Variants in CDKL5 observed in about 807,000 individuals in gnomAD.
CDKL5 encodes the protein cyclin dependent kinase like 5, also known as cyclin-dependent kinase-like 5.
Under a neutral mutation model 61.7 loss-of-function variants are expected in CDKL5, and 8 were observed. That is an observed-to-expected ratio of 0.13 (90% CI 0.08 to 0.23). The LOEUF (loss-of-function observed/expected upper bound fraction) is 0.23, where lower values mean the gene tolerates loss of function less well. Ranked by LOEUF, CDKL5 falls within the 10% of genes least tolerant of loss-of-function variation. CDKL5 has a pLI of 1.00. For synonymous variants in CDKL5, 275 were observed against 272.3 expected, an observed-to-expected ratio of 1.01 and a Z score of -0.10; for missense variants, 440 against 734.5, an observed-to-expected ratio of 0.60 and a Z score of 4.63.
intron 1 of CDKL5, among the ~76,000 whole-genome samples, chrX:18,497,987 T>TAAAA (rs796962869): frequency 1.1e-5 from 1 of 91,196 alleles, no homozygotes; most frequent in Non-Finnish European, 2.2e-5. Flanking sequence ...CCCAGCTAAT[T>TAAAA]AAAAAAAAAA....
At chrX:18,551,683 C>A (rs1049155275) in intron 3 of CDKL5, among the ~76,000 whole-genome samples, 3 of 105,451 alleles carry the variant, frequency 2.8e-5, no homozygotes, top group Non-Finnish European at 3.9e-5. Context: ...CCTTCCTGGC[C>A]CAAAGGATCC....
At chrX:18,479,534 T>C (rs930380465) in intron 1 of CDKL5, among the ~76,000 whole-genome samples, 12 of 109,540 alleles carry the variant, frequency 1.1e-4, no homozygotes, top group Non-Finnish European at 2.3e-4. Context: ...TTAGCCAGGA[T>C]GGTCTCGATC....
At chrX:18,470,250 C>T (rs1028745417) in intron 1 of CDKL5, among the ~76,000 whole-genome samples, 4 of 105,874 alleles carry the variant, frequency 3.8e-5, no homozygotes, top group Non-Finnish European at 5.8e-5. Context: ...ACGGGAGAAG[C>T]GCTTGAACCC....
At chrX:18,463,894 A>C (rs1428931833) in intron 1 of CDKL5, among the ~76,000 whole-genome samples, 1 of 112,041 alleles carries the variant, frequency 8.9e-6, no homozygotes, top group Non-Finnish European at 1.9e-5. Flanking sequence ...TAAAATAGGC[A>C]GCTAGCTCCT....
chrX:18,601,586 T>C (rs1032018034), intron 11 of CDKL5, among the ~76,000 whole-genome samples: 1 of 112,543 alleles, frequency 8.9e-6, no homozygotes, highest in Non-Finnish European at 1.9e-5. Context: ...ATAGGCGTTA[T>C]GTGCAAAGCT....
chrX:18,433,003 G>A (rs751019024), intron 1 of CDKL5, among the ~76,000 whole-genome samples: 10 of 110,745 alleles, frequency 9.0e-5, no homozygotes, highest in South Asian at 3.8e-4. Context: ...CGAGGCGGGC[G>A]GATCATTTGA....
At chrX:18,497,117 C>G (rs1225107164) in intron 1 of CDKL5, among the ~76,000 whole-genome samples, 1 of 109,971 alleles carries the variant, frequency 9.1e-6, no homozygotes, top group Admixed American at 9.8e-5. Flanking sequence ...CTCAGCCTCC[C>G]GAGTAGCTGG....
rs796171313 is a variant in CDKL5, at chrX:18,509,245, A to ACACACACC, written c.65-1574_65-1573insACACACCC. Among the ~76,000 whole-genome samples the ACACACACC allele has an allele frequency of 2.7e-3, 261 of 95,345 alleles. 12 individuals are homozygous for ACACACACC. The highest frequency in any genetic ancestry group is 0.02 in the Admixed American group (162 of 7,983). 82.8% of individuals were successfully genotyped at this position (95,345 alleles called of 115,157 possible). A position where few individuals can be genotyped will look rare whatever the true frequency, so the allele number is the denominator to read the frequency against. On this transcript the variant is annotated intron_variant, in intron 2 of 17. Transcript: ENST00000623535. ...CACACACACACACACACACACACAC[A>ACACACACC]CCCCTGTCAAGCAAACTCTGCATTC...
intron 4 of CDKL5, among the ~76,000 whole-genome samples, chrX:18,571,651 C>T (rs1268869325): frequency 9.0e-6 from 1 of 111,439 alleles, no homozygotes; most frequent in Admixed American, 9.6e-5. Context: ...TGCCTTCCTT[C>T]TCCCCTCATC....
Position 18,633,168 on chromosome X carries a change from A to C in CDKL5, c.*4411A>C. On this transcript the variant is annotated 3_prime_UTR_variant, in exon 18 of 18. Transcript: ENST00000623535. ...AGAAGTTCGTTACCTCCTGCATGAT[A>C]GTGGGATATTGAGATGTGGGTTCTA... 2 of 754,006 alleles carry C rather than the reference A, an allele frequency of 2.7e-6. No homozygotes were observed. The highest frequency in any genetic ancestry group is 3.1e-6 in the Non-Finnish European group (2 of 639,083). 62.1% of individuals were successfully genotyped at this position (754,006 alleles called of 1,213,427 possible). A position where few individuals can be genotyped will look rare whatever the true frequency, so the allele number is the denominator to read the frequency against.
chrX:18,628,301 C>A, intron 17 of CDKL5, 70 bp from the exon 18 acceptor site: 1 of 1,104,263 alleles, frequency 9.1e-7, no homozygotes, highest in Non-Finnish European at 1.3e-6. Context: ...CACCTCTAAG[C>A]CCCCTTCCCT....
intron 3 of CDKL5, among the ~76,000 whole-genome samples, chrX:18,552,108 T>TGTGCCTGTAATCTC (rs1924417057): frequency 9.2e-6 from 1 of 109,014 alleles, no homozygotes; most frequent in African/African-American, 3.3e-5. Context: ...CATGGTGGCG[T>TGTGCCTGTAATCTC]GTGCCTGTAA....
At chrX:18,444,558 C>T (rs1169976544) in intron 1 of CDKL5, among the ~76,000 whole-genome samples, 1 of 111,802 alleles carries the variant, frequency 8.9e-6, no homozygotes, top group African/African-American at 3.2e-5. Context: ...TCAAGTGATC[C>T]TCCCACCTTG....
chrX:18,606,135 C>T (rs779302758), intron 12 of CDKL5, among the ~76,000 whole-genome samples: 3 of 108,587 alleles, frequency 2.8e-5, no homozygotes, highest in African/African-American at 1.0e-4. Flanking sequence ...GAGCCGAGAT[C>T]GTGCCACTGC....
intron 1 of CDKL5, among the ~76,000 whole-genome samples, chrX:18,503,320 A>G (rs987513252): frequency 5.4e-5 from 6 of 111,596 alleles, no homozygotes; most frequent in African/African-American, 2.0e-4. Flanking sequence ...AGTAGCTGGG[A>G]CTACAGGCAT....
At chrX:18,583,820 T>C (rs930655752) in intron 7 of CDKL5, among the ~76,000 whole-genome samples, 1 of 112,222 alleles carries the variant, frequency 8.9e-6, no homozygotes, top group African/African-American at 3.2e-5. Flanking sequence ...TCAGCAACAG[T>C]ACATATGCAA....
At chrX:18,531,958 G>A (rs1428167651) in intron 3 of CDKL5, among the ~76,000 whole-genome samples, 1 of 108,499 alleles carries the variant, frequency 9.2e-6, no homozygotes, top group Admixed American at 9.8e-5. Flanking sequence ...CACCCGCCTC[G>A]GCCTCCCAAA....
At position 18,510,954 on chromosome X, in the gene CDKL5, C is replaced by G. The variant is rs1602233094; in HGVS notation, c.99+100C>G. 29 of 615,617 alleles carry G rather than the reference C, an allele frequency of 4.7e-5. No homozygotes were observed. The South Asian group carries it at 7.0e-4, about 15-fold the overall frequency. The allele number at this position is 615,617 out of a possible 1,213,427, so 50.7% of individuals were successfully genotyped here. ...TGTGGGCATGTACAGGTTGAGCATT[C>G]CTTATCTGAAATGCTTGAGACCAGA... On this transcript the variant is annotated intron_variant, in intron 3 of 17. Coordinates refer to ENST00000623535, the MANE Select transcript of CDKL5 (RefSeq NM_001323289.2).
chrX:18,484,168 T>G (rs981038007), intron 1 of CDKL5, among the ~76,000 whole-genome samples: 3 of 112,419 alleles, frequency 2.7e-5, no homozygotes, highest in African/African-American at 9.7e-5. Flanking sequence ...AAGATGGTGG[T>G]TTGTATTTCA....
Sources: gnomAD v4.1 joint callset for allele counts (sites outside exome capture counted in the v4.1 genomes callset) on GRCh38, gnomAD v4.1.1 for gene constraint, MANE v1.5 for transcripts, NCBI Gene and HGNC (gene_info 2026-07-23, HGNC 2026-07-21) for gene names.